FAM117A: variants seen among roughly 807,000 people sequenced by gnomAD.
FAM117A encodes the protein protein FAM117A.
In FAM117A, 21 loss-of-function variants were observed where a neutral mutation model predicts 44.1. The ratio of observed to expected loss-of-function variants is 0.48; its 90% CI spans 0.34 to 0.69. The LOEUF (loss-of-function observed/expected upper bound fraction) is 0.69, where lower values mean the gene tolerates loss of function less well. Among genes scored for constraint, FAM117A ranks in the 30% least tolerant of loss-of-function variants. The pLI, the probability that FAM117A is intolerant of heterozygous loss-of-function variation, is 0.01. For synonymous variants in FAM117A, 220 were observed against 238.3 expected (o/e 0.92, Z 0.71); for missense variants, 498 against 589.9 (o/e 0.84, Z 1.61).
chr17:49,735,480 A>C (rs2073606988), intron 1 of FAM117A, among the ~76,000 whole-genome samples: 1 of 152,178 alleles, frequency 6.6e-6, no homozygotes, highest in Non-Finnish European at 1.5e-5. Context: ...ATCAGTAGGA[A>C]ATATGCTATA....
chr17:49,761,754 G>A (rs2073723207), intron 1 of FAM117A, among the ~76,000 whole-genome samples: 2 of 152,224 alleles, frequency 1.3e-5, no homozygotes, highest in African/African-American at 4.8e-5. Flanking sequence ...TATGTGGGCT[G>A]AAGTTAACAT....
At chr17:49,712,097 G>C (rs148609326) in intron 7 of FAM117A, among the ~76,000 whole-genome samples, 3 of 152,352 alleles carry the variant, frequency 2.0e-5, no homozygotes, top group African/African-American at 4.8e-5. Context: ...AGTAAGCCAA[G>C]ATCGTGCCAT....
chr17:49,714,130 T>G (rs1359733979), intron 7 of FAM117A, among the ~76,000 whole-genome samples: 2 of 152,264 alleles, frequency 1.3e-5, no homozygotes, highest in African/African-American at 4.8e-5. Context: ...GCAACCAGCA[T>G]GACCCTGAAT....
chr17:49,712,667 T>G (rs531744945), intron 7 of FAM117A, among the ~76,000 whole-genome samples: 1 of 152,214 alleles, frequency 6.6e-6, no homozygotes, highest in African/African-American at 2.4e-5. Context: ...TGAACCACCA[T>G]GCCCAGCTAA....
Position 49,764,097 on chromosome 17 carries a change from G to C in FAM117A, c.-10C>G, listed in dbSNP as rs191826884. 1.7e-6 allele frequency: 2 copies of C among 1,168,400 alleles called. No individual in the cohort carries two copies. The highest frequency in any genetic ancestry group is 2.1e-6 in the Non-Finnish European group (2 of 941,756). The allele number at this position is 1,168,400 out of a possible 1,614,324, so 72.4% of individuals were successfully genotyped here. A position where few individuals can be genotyped will look rare whatever the true frequency, so the allele number is the denominator to read the frequency against. ...CTGCGGCCCCCGCCATGGCTCTCCC[G>C]GCTGCCTGCCTCAGCCCCACTGCGA... On this transcript the variant is annotated 5_prime_UTR_variant, in exon 1 of 8. Transcript: ENST00000240364.
chr17:49,761,222 C>T (rs764755074), intron 1 of FAM117A, among the ~76,000 whole-genome samples: 6 of 152,206 alleles, frequency 3.9e-5, no homozygotes, highest in Non-Finnish European at 8.8e-5. Flanking sequence ...CCTTTTTAAA[C>T]AGCTGGGTTT....
At chr17:49,726,024 G>C (rs1482818830) in intron 2 of FAM117A, among the ~76,000 whole-genome samples, 1 of 152,170 alleles carries the variant, frequency 6.6e-6, no homozygotes, top group Non-Finnish European at 1.5e-5. Context: ...TCCTGGGAGA[G>C]AATGGCCCTA....
At chr17:49,748,120 C>G (rs2073660751) in intron 1 of FAM117A, among the ~76,000 whole-genome samples, 1 of 152,104 alleles carries the variant, frequency 6.6e-6, no homozygotes. Flanking sequence ...AGCCTCTTCC[C>G]CTGTATATGA....
At chr17:49,734,446 C>T (rs1425981411) in intron 1 of FAM117A, among the ~76,000 whole-genome samples, 1 of 149,054 alleles carries the variant, frequency 6.7e-6, no homozygotes, top group Non-Finnish European at 1.5e-5. Flanking sequence ...AAAAAAATTA[C>T]CCGGGCTTGG....
At chr17:49,720,991 G>T (rs996705974) in intron 3 of FAM117A, among the ~76,000 whole-genome samples, 1 of 152,130 alleles carries the variant, frequency 6.6e-6, no homozygotes, top group Non-Finnish European at 1.5e-5. Context: ...GGGATTACAG[G>T]CATGAGGCAT....
At chr17:49,780,317 T>A (rs1165199181) in intron 1 of FAM117A, among the ~76,000 whole-genome samples, 2 of 152,170 alleles carry the variant, frequency 1.3e-5, no homozygotes, top group Non-Finnish European at 2.9e-5. Flanking sequence ...GGAAACTTTT[T>A]AGTTTCTCCC....
In FAM117A at chr17:49,722,524, C is replaced by T. The variant is rs772549861; in HGVS notation, c.437G>A (p.Trp146Ter). 2 of 1,613,894 alleles carry T rather than the reference C, an allele frequency of 1.2e-6. No individual in the cohort carries two copies. The highest frequency in any genetic ancestry group is 1.7e-5 in the Admixed American group (1 of 60,004). ...SSCAHKRSAS[W>*]GSTDHRKEIS... ...CTCTTTTCGGTGGTCTGTGCTGCCC[C>T]AGGATGCTGAGCGCTTGTGTGCACA... Residue 146 changes from tryptophan to a stop codon, truncating the protein, a stop_gained, in exon 3 of 8, where the codon TGG (tryptophan) becomes TAG (stop). Coordinates refer to ENST00000240364, the MANE Select transcript of FAM117A (RefSeq NM_030802.4). LOFTEE classifies it high-confidence loss of function.
At chr17:49,740,796 A>AG (rs2073631243) in intron 1 of FAM117A, among the ~76,000 whole-genome samples, 1 of 152,230 alleles carries the variant, frequency 6.6e-6, no homozygotes, top group South Asian at 2.1e-4. Flanking sequence ...TGGCCACACC[A>AG]GCATATCTCC....
At chr17:49,743,197 T>C (rs2073641528) in intron 1 of FAM117A, among the ~76,000 whole-genome samples, 1 of 152,186 alleles carries the variant, frequency 6.6e-6, no homozygotes, top group African/African-American at 2.4e-5. Context: ...AAGGGTCTAT[T>C]CCTTTCCCTT....
rs561213414 is a variant in FAM117A at position 49,782,727 on chromosome 17, A to G, written c.-621+5770T>C. ...AAAAAAAAAACCCTTTGTGGCGGCA[A>G]TGAGATTAAGGATGTCTTTTATTTT... is the stretch of plus-strand genomic sequence containing the variant. On this transcript the variant is annotated intron_variant, in intron 1 of 7. Coordinates refer to the FAM117A transcript ENST00000513602. Among the ~76,000 whole-genome samples, 4 of 151,392 alleles carry G rather than the reference A, an allele frequency of 2.6e-5. No homozygotes were observed. The South Asian group carries it at 6.3e-4, about 24-fold the overall frequency.
chr17:49,721,437 C>G (rs895774566), intron 3 of FAM117A, among the ~76,000 whole-genome samples: 9 of 152,214 alleles, frequency 5.9e-5, no homozygotes, highest in African/African-American at 2.2e-4. Flanking sequence ...GTCACTCATA[C>G]CACATCTCCC....
chr17:49,720,272 G>C, intron 4 of FAM117A, 54 bp downstream of exon 4: 2 of 1,415,242 alleles, frequency 1.4e-6, no homozygotes, highest in Non-Finnish European at 2.0e-6. Flanking sequence ...TGCCCATATA[G>C]GGGGGCCTGC....
intron 1 of FAM117A, among the ~76,000 whole-genome samples, chr17:49,759,815 A>G (rs1171875293): frequency 1.3e-5 from 2 of 152,228 alleles, no homozygotes; most frequent in Non-Finnish European, 2.9e-5. Context: ...TGGGGAACCT[A>G]ATCGACATTT....
At chr17:49,727,924 C>T (rs2073567315) in intron 2 of FAM117A, among the ~76,000 whole-genome samples, 1 of 152,196 alleles carries the variant, frequency 6.6e-6, no homozygotes, top group Admixed American at 6.5e-5. Context: ...TGGTGTGGAC[C>T]GTCAGGACCA....
Sources: gnomAD v4.1 joint callset for allele counts (sites outside exome capture counted in the v4.1 genomes callset) on GRCh38, gnomAD v4.1.1 for gene constraint, MANE v1.5 for transcripts, NCBI Gene and HGNC (gene_info 2026-07-23, HGNC 2026-07-21) for gene names.